FYB1: variants seen among roughly 807,000 people sequenced by gnomAD.
FYB1 encodes FYN-binding protein 1.
FYB1 carries 41 observed loss-of-function variants against 94.1 expected under a neutral mutation model. The ratio of observed to expected loss-of-function variants is 0.44; its 90% CI spans 0.34 to 0.57. The LOEUF (loss-of-function observed/expected upper bound fraction) is 0.57, where lower values mean the gene tolerates loss of function less well. Among genes scored for constraint, FYB1 ranks in the 20% least tolerant of loss-of-function variants. The pLI is 0.02. For missense variants in FYB1, 1,050 were observed against 976.8 expected (o/e 1.07, Z -1.00); for synonymous variants, 367 against 353.2 (o/e 1.04, Z -0.44).
intron 1 of FYB1, among the ~76,000 whole-genome samples, chr5:39,237,890 A>C (rs1254559128): frequency 2.0e-5 from 3 of 152,144 alleles, no homozygotes; most frequent in Non-Finnish European, 4.4e-5. Context: ...GCGGATTAAT[A>C]GATTCGTATG....
chr5:39,241,783 C>T (rs534339655), intron 1 of FYB1, among the ~76,000 whole-genome samples: 6 of 151,916 alleles, frequency 3.9e-5, no homozygotes, highest in South Asian at 2.1e-4. Flanking sequence ...TGGAAAGGAG[C>T]CTCATGGTTC....
chr5:39,138,741 G>T, intron 5 of FYB1, 50 bp from the exon 6 acceptor site: 1 of 1,064,922 alleles, frequency 9.4e-7, no homozygotes, highest in Non-Finnish European at 1.4e-6. Flanking sequence ...TTAAAAAGTT[G>T]ACACACATAT....
intron 1 of FYB1, among the ~76,000 whole-genome samples, chr5:39,230,825 A>G (rs980274580): frequency 6.7e-6 from 1 of 148,554 alleles, no homozygotes; most frequent in African/African-American, 2.5e-5. Context: ...GTGAGAACTT[A>G]GACTTCCCTG....
At chr5:39,155,116 C>T (rs994401334) in intron 2 of FYB1, among the ~76,000 whole-genome samples, 9 of 152,146 alleles carry the variant, frequency 5.9e-5, no homozygotes, top group Middle Eastern at 3.2e-3. Flanking sequence ...AAAAAAAATA[C>T]GGCACTTCAC....
chr5:39,182,286 CATGTGTGTGT>C lies in FYB1; in HGVS notation c.1135+19530_1135+19539del, dbSNP rs1322348010. Among the ~76,000 whole-genome samples the C allele has an allele frequency of 1.4e-4, 14 of 99,250 alleles. No homozygotes were observed. In the East Asian group the frequency reaches 4.8e-3, roughly 34 times the overall value. 65.1% of individuals were successfully genotyped at this position (99,250 alleles called of 152,430 possible). On this transcript the variant is annotated intron_variant, in intron 2 of 18. Coordinates refer to ENST00000512982, the MANE Select transcript of FYB1 (RefSeq NM_001465.6). ...AATGCTTTTTGTGTGTGTGTGCATGCATGTGTGTGTGTGTGTGTGTGTGTGTGTGTGTGTG... is the reference window on the plus strand; with the variant it reads ...AATGCTTTTTGTGTGTGTGTGCATGCGTGTGTGTGTGTGTGTGTGTGTGTG...
intron 1 of FYB1, among the ~76,000 whole-genome samples, chr5:39,241,879 T>C (rs1579766196): frequency 1.3e-5 from 2 of 152,146 alleles, no homozygotes; most frequent in East Asian, 3.9e-4. Context: ...GATTTGTTCA[T>C]AGAATTTGTT....
In FYB1 at chr5:39,144,662, T is replaced by C. The variant is rs564959272; in HGVS notation, c.1293-3521A>G. On this transcript the variant is annotated intron_variant, in intron 3 of 18. Transcript: ENST00000512982. ...ACTAAAAATACAAAAATTAGCCGAG[T>C]GTGGTGGCGGGCGTCTGTAATCCCA... 5.9e-5 allele frequency among the ~76,000 whole-genome samples: 9 copies of C among 151,512 alleles called. No individual in the cohort carries two copies. The South Asian group carries it at 1.9e-3, about 32-fold the overall frequency.
intron 9 of FYB1, among the ~76,000 whole-genome samples, 187 bp downstream of exon 9, chr5:39,134,021 T>C (rs1741438003): frequency 6.6e-6 from 1 of 152,212 alleles, no homozygotes; most frequent in Non-Finnish European, 1.5e-5. Flanking sequence ...TTGATGCATA[T>C]AATCAAAAGA....
chr5:39,237,892 A>G (rs1751039262), intron 1 of FYB1, among the ~76,000 whole-genome samples: 1 of 152,098 alleles, frequency 6.6e-6, no homozygotes, highest in African/African-American at 2.4e-5. Context: ...GGATTAATAG[A>G]TTCGTATGAA....
chr5:39,159,984 G>C (rs991075004), intron 2 of FYB1, among the ~76,000 whole-genome samples: 1 of 152,014 alleles, frequency 6.6e-6, no homozygotes, highest in African/African-American at 2.4e-5. Flanking sequence ...AGCTGATTTT[G>C]TTCCTCTTCT....
intron 3 of FYB1, 52 bp downstream of exon 3, chr5:39,153,396 A>T: frequency 6.3e-7 from 1 of 1,599,772 alleles, no homozygotes; most frequent in Non-Finnish European, 8.6e-7. Flanking sequence ...CACAGTTTGA[A>T]AATCTACGGC....
intron 1 of FYB1, among the ~76,000 whole-genome samples, chr5:39,273,987 C>T (rs1379008946): frequency 4.6e-5 from 7 of 151,768 alleles, no homozygotes; most frequent in Admixed American, 2.0e-4. Context: ...TACAGTGGCA[C>T]GATCTCAGCT....
intron 2 of FYB1, among the ~76,000 whole-genome samples, chr5:39,200,685 C>T (rs1748228803): frequency 2.0e-5 from 3 of 152,190 alleles, no homozygotes; most frequent in Non-Finnish European, 2.9e-5. Context: ...AGGACTTGAT[C>T]ACTAAGCTGT....
At chr5:39,154,838 C>T (rs6882511) in intron 2 of FYB1, among the ~76,000 whole-genome samples, 15,685 of 152,140 alleles carry the variant, frequency 0.1, 1,253 homozygotes, top group East Asian at 0.4. Flanking sequence ...GTAATCCACC[C>T]GCCTTGTCCT....
chr5:39,240,242 C>T (rs1385311214), intron 1 of FYB1, among the ~76,000 whole-genome samples: 1 of 152,130 alleles, frequency 6.6e-6, no homozygotes, highest in East Asian at 1.9e-4. Flanking sequence ...CTAGGAAATA[C>T]AATTCTGGGC....
In FYB1 at chr5:39,149,386, A is replaced by G. The variant is rs538703041; in HGVS notation, c.1292+4062T>C. On this transcript the variant is annotated intron_variant, in intron 3 of 18. Coordinates refer to ENST00000512982, the MANE Select transcript of FYB1 (RefSeq NM_001465.6). ...GAGAACTGTAAACCTTAGGGAAGCC[A>G]TTGCTCCCTGCTGCTCTAATGCTTG... is the stretch of plus-strand genomic sequence containing the variant. 2.0e-5 allele frequency among the ~76,000 whole-genome samples: 3 copies of G among 152,234 alleles called. No homozygotes were observed. In the East Asian group the frequency reaches 5.8e-4, roughly 29 times the overall value.
intron 1 of FYB1, among the ~76,000 whole-genome samples, chr5:39,239,874 C>G (rs934730506): frequency 6.6e-6 from 1 of 152,246 alleles, no homozygotes; most frequent in East Asian, 1.9e-4. Context: ...GCATAAAGAA[C>G]AGAGCTGTAG....
At chr5:39,123,264 T>C (rs1480180106) in intron 13 of FYB1, among the ~76,000 whole-genome samples, 1 of 152,190 alleles carries the variant, frequency 6.6e-6, no homozygotes, top group Non-Finnish European at 1.5e-5. Context: ...TCCACCCTCG[T>C]GTGTATTCAG....
At chr5:39,149,395 T>C (rs557545383) in intron 3 of FYB1, among the ~76,000 whole-genome samples, 2 of 152,318 alleles carry the variant, frequency 1.3e-5, no homozygotes, top group African/African-American at 2.4e-5. Context: ...CATTGCTCCC[T>C]GCTGCTCTAA....
Sources: allele counts gnomAD v4.1 joint callset (sites outside exome capture counted in the v4.1 genomes callset), GRCh38; gene constraint gnomAD v4.1.1; transcripts MANE v1.5; gene names NCBI Gene and HGNC (gene_info 2026-07-23, HGNC 2026-07-21).